MSH4: variants seen among roughly 807,000 people sequenced by gnomAD.
The protein encoded by MSH4 is mutS protein homolog 4.
Under a neutral mutation model 113.7 loss-of-function variants are expected in MSH4, and 106 were observed. That is an observed-to-expected ratio of 0.93 (90% CI 0.80 to 1.10). The LOEUF (loss-of-function observed/expected upper bound fraction) is 1.10. Ranked by LOEUF, MSH4 falls within the 50% of genes least tolerant of loss-of-function variation. MSH4 has a pLI of 0.00. For missense variants in MSH4, 1,061 were observed against 1,093.7 expected (o/e 0.97, Z 0.42); for synonymous variants, 368 against 380.2 (o/e 0.97, Z 0.37).
chr1:75,885,059 G>GTGTGTGTGTGTGTGTA (rs1300289205), intron 15 of MSH4, among the ~76,000 whole-genome samples: 246 of 112,364 alleles, frequency 2.2e-3, no homozygotes, highest in Non-Finnish European at 3.4e-3. Context: ...GTGTGTGTGT[G>GTGTGTGTGTGTGTGTA]TATATATATA....
chr1:75,871,005 A>G (rs530216060), intron 9 of MSH4, among the ~76,000 whole-genome samples: 7 of 152,356 alleles, frequency 4.6e-5, no homozygotes, highest in Admixed American at 2.0e-4. Context: ...TCATACTGCT[A>G]TAAAGAACTA....
chr1:75,878,944 A>G (rs1403543349), intron 11 of MSH4, 48 bp from the exon 12 acceptor site: 1 of 1,527,450 alleles, frequency 6.5e-7, no homozygotes, highest in Middle Eastern at 1.8e-4. Context: ...TCTCATTAAA[A>G]TTTATTCATT....
At chr1:75,864,769 C>T (rs1651527007) in intron 8 of MSH4, among the ~76,000 whole-genome samples, 1 of 152,028 alleles carries the variant, frequency 6.6e-6, no homozygotes, top group Non-Finnish European at 1.5e-5. Context: ...CATTTCTTCC[C>T]ATTTTGTAGT....
At chr1:75,821,620 CTT>C (rs1294197967) in intron 6 of MSH4, among the ~76,000 whole-genome samples, 2 of 152,016 alleles carry the variant, frequency 1.3e-5, no homozygotes, top group African/African-American at 2.4e-5. Flanking sequence ...TATCTAAAAA[CTT>C]TTTTTGCGAC....
At chr1:75,845,935 T>G (rs1651065685) in intron 7 of MSH4, among the ~76,000 whole-genome samples, 1 of 152,168 alleles carries the variant, frequency 6.6e-6, no homozygotes, top group South Asian at 2.1e-4. Context: ...CACCATGGCT[T>G]CATACCTATT....
intron 1 of MSH4, among the ~76,000 whole-genome samples, chr1:75,798,568 T>TTTG (rs1029203746): frequency 5.9e-5 from 9 of 151,520 alleles, no homozygotes; most frequent in African/African-American, 2.2e-4. Flanking sequence ...ACTTTTTTTT[T>TTTG]TTTTTTGAGA....
intron 1 of MSH4, among the ~76,000 whole-genome samples, chr1:75,799,519 C>T (rs986191187): frequency 2.0e-5 from 3 of 152,172 alleles, no homozygotes; most frequent in Non-Finnish European, 4.4e-5. Context: ...AGACATTTCA[C>T]AGAGTAAGTG....
chr1:75,877,070 G>T, intron 10 of MSH4, 70 bp downstream of exon 10: 1 of 1,000,022 alleles, frequency 1.0e-6, no homozygotes, highest in Admixed American at 2.7e-5. Context: ...TGATTTTAAA[G>T]ACTCTAATTG....
At chr1:75,870,127 T>C (rs1651681122) in intron 9 of MSH4, among the ~76,000 whole-genome samples, 1 of 152,142 alleles carries the variant, frequency 6.6e-6, no homozygotes, top group Non-Finnish European at 1.5e-5. Flanking sequence ...ATTTTGGAGC[T>C]TTTAGGTTTG....
At chr1:75,840,337 C>A (rs1650927341) in intron 7 of MSH4, among the ~76,000 whole-genome samples, 1 of 144,708 alleles carries the variant, frequency 6.9e-6, no homozygotes, top group Non-Finnish European at 1.5e-5. Flanking sequence ...TACTGTGCAG[C>A]CATAAAAAAT....
chr1:75,846,847 C>T (rs1651086939), intron 7 of MSH4, among the ~76,000 whole-genome samples: 1 of 152,164 alleles, frequency 6.6e-6, no homozygotes, highest in Admixed American at 6.5e-5. Flanking sequence ...AACCTGCTTC[C>T]ACATTTTCAG....
intron 8 of MSH4, among the ~76,000 whole-genome samples, chr1:75,861,953 T>G: frequency 6.6e-6 from 1 of 152,154 alleles, no homozygotes; most frequent in East Asian, 1.9e-4. Context: ...CCACTTTGTT[T>G]ACACTGTGTG....
intron 15 of MSH4, among the ~76,000 whole-genome samples, chr1:75,885,214 C>T (rs1192944046): frequency 1.4e-5 from 2 of 141,132 alleles, no homozygotes; most frequent in African/African-American, 2.6e-5. Flanking sequence ...TATATATATA[C>T]CTTCTATATA....
At position 75,807,122 on chromosome 1, in the gene MSH4, A is replaced by G. The variant is rs1042589833; in HGVS notation, c.569A>G (p.Asp190Gly). The change falls in exon 3 of 20, where the codon GAC becomes GGC. Residue 190 changes from aspartate (D) to glycine (G), a missense_variant. By Grantham distance (94) the Asp-to-Gly change is moderately conservative (BLOSUM62 -1). Coordinates refer to ENST00000263187, the MANE Select transcript of MSH4 (RefSeq NM_002440.4). Reference protein sequence around the residue: ...NPQIILSQFADNTTYAKVITK... With the variant: ...NPQIILSQFAGNTTYAKVITK... Reference sequence around the variant, plus strand: ...CAAATTATACTATCCCAGTTTGCAGACAACACAACATATGCAAAGGTAAGT... The same window carrying G: ...CAAATTATACTATCCCAGTTTGCAGGCAACACAACATATGCAAAGGTAAGT... The G allele has an allele frequency of 6.4e-7, 1 of 1,566,764 alleles. No homozygotes were observed. The highest frequency in any genetic ancestry group is 8.6e-7 in the Non-Finnish European group (1 of 1,165,890).
At chr1:75,802,545 A>T (rs1438520842) in intron 1 of MSH4, among the ~76,000 whole-genome samples, 2 of 152,220 alleles carry the variant, frequency 1.3e-5, no homozygotes, top group African/African-American at 2.4e-5. Flanking sequence ...TACATTATTT[A>T]AAAATTTTAT....
At chr1:75,834,437 C>T (rs554388516) in intron 7 of MSH4, among the ~76,000 whole-genome samples, 7 of 152,158 alleles carry the variant, frequency 4.6e-5, no homozygotes, top group Admixed American at 6.5e-5. Context: ...TGGGCATATA[C>T]CCAAAGGATT....
chr1:75,898,055 A>G lies in MSH4; in HGVS notation c.2504A>G (p.Lys835Arg). Residue 835 changes from lysine to arginine, a missense_variant, in exon 18 of 20, where the codon AAG becomes AGG. Coordinates refer to ENST00000263187, the MANE Select transcript of MSH4 (RefSeq NM_002440.4). ...ATTTTGTATACCTACAAACTTTCTA[A>G]GGGACTCACAGAAGAGAAAAATTAT... The part of the protein sequence containing the change: ...EAILYTYKLS[K>R]GLTEEKNYGL... 6.3e-7 allele frequency: 1 copy of G among 1,589,662 alleles called. No homozygotes were observed. The highest frequency in any genetic ancestry group is 8.6e-7 in the Non-Finnish European group (1 of 1,168,436).
chr1:75,872,346 A>C (rs1369819588), intron 9 of MSH4, among the ~76,000 whole-genome samples: 1 of 152,220 alleles, frequency 6.6e-6, no homozygotes, highest in African/African-American at 2.4e-5. Flanking sequence ...AACAAAAAAC[A>C]AAACAAAGAA....
At chr1:75,897,833 G>A (rs1652417381) in intron 17 of MSH4, 74 bp from the exon 18 acceptor site, 1 of 979,066 alleles carries the variant, frequency 1.0e-6, no homozygotes, top group Non-Finnish European at 1.4e-6. Flanking sequence ...AAAATTTTAT[G>A]TTCACATAGT....
Sources: allele counts gnomAD v4.1 joint callset (sites outside exome capture counted in the v4.1 genomes callset), GRCh38; gene constraint gnomAD v4.1.1; transcripts MANE v1.5; gene names NCBI Gene and HGNC (gene_info 2026-07-23, HGNC 2026-07-21).